BAX: variants seen among roughly 807,000 people sequenced by gnomAD.
BAX encodes the protein BCL2 associated X, apoptosis regulator.
In BAX, 21 loss-of-function variants were observed where a neutral mutation model predicts 26.8. The observed-to-expected ratio is 0.78, with a 90% CI of 0.56 to 1.13. The LOEUF is 1.13. BAX is among the 50% of genes most tolerant of loss of function. BAX has a pLI of 0.00. For synonymous variants in BAX, 110 were observed against 101.8 expected (o/e 1.08, Z -0.49); for missense variants, 236 against 254.6 (o/e 0.93, Z 0.50).
At position 48,958,345 on chromosome 19, in the gene BAX, A is replaced by ATTTTTT. The variant is rs34043541; in HGVS notation, c.369+2034_369+2039dup. Among the ~76,000 whole-genome samples, 235 of 64,476 alleles carry ATTTTTT rather than the reference A, an allele frequency of 3.6e-3. 13 individuals carry two copies. Among genetic ancestry groups the ATTTTTT allele is most frequent in the African/African-American group, 0.013 (221 of 17,036 alleles). The allele number at this position is 64,476 out of a possible 152,430, so 42.3% of individuals were successfully genotyped here. A position where few individuals can be genotyped will look rare whatever the true frequency, so the allele number is the denominator to read the frequency against. On this transcript the variant is annotated intron_variant, in intron 4 of 5. Transcript: ENST00000345358. The stretch of plus-strand genomic sequence containing the variant: ...AGGGAGGGATATTTCTTTTTGGAAG[A>ATTTTTT]TTTTTTTTTTTTTTTTTTTTTTTTT...
At position 48,956,278 on chromosome 19, in the gene BAX, TCAACTGGGGCCGGG is replaced by T. The variant is rs776628729; in HGVS notation, c.315_328del (p.Asn106CysfsTer96). 1 of 1,591,086 alleles carries T rather than the reference TCAACTGGGGCCGGG, an allele frequency of 6.3e-7. No homozygotes were observed. Among genetic ancestry groups the T allele is most frequent in the Non-Finnish European group, 8.5e-7 (1 of 1,169,620 alleles). On this transcript the variant is annotated frameshift_variant, in exon 4 of 6. Transcript: ENST00000345358. LOFTEE classifies it high-confidence loss of function. ...GCTGACATGTTTTCTGACGGCAACT[TCAACTGGGGCCGGG>T]TTGTCGCCCTTTTCTACTTTGCCAG...
rs1240715086 is a variant in BAX at position 48,956,223 on chromosome 19, T to A, written c.259T>A (p.Ser87Thr). Residue 87 changes from serine to threonine, a missense_variant, in exon 4 of 6, where the codon TCC (serine) becomes ACC (threonine). By Grantham distance (58) the Ser-to-Thr change is moderately conservative (BLOSUM62 1). Transcript: ENST00000345358. Reference sequence around the variant, plus strand: ...GATGATTGCCGCCGTGGACACAGACTCCCCCCGAGAGGTCTTTTTCCGAGT... The same window carrying A: ...GATGATTGCCGCCGTGGACACAGACACCCCCCGAGAGGTCTTTTTCCGAGT... ...QRMIAAVDTD[S>T]PREVFFRVAA... is the part of the protein sequence containing the mutation. 5 of 1,560,770 alleles carry A rather than the reference T, an allele frequency of 3.2e-6. No homozygotes were observed. In the African/African-American group the frequency reaches 7.0e-5, roughly 22 times the overall value.
At chr19:48,960,020 G>A (rs369257254) in intron 4 of BAX, among the ~76,000 whole-genome samples, 16 of 121,476 alleles carry the variant, frequency 1.3e-4, no homozygotes, top group East Asian at 1.1e-3. Flanking sequence ...GCAGCTCAGC[G>A]AGGCACAAAA....
Position 48,960,882 on chromosome 19 carries a change from C to T in BAX, c.442C>T (p.Leu148=). The T allele has an allele frequency of 1.2e-6, 2 of 1,614,174 alleles. No individual in the cohort carries two copies. Among genetic ancestry groups the T allele is most frequent in the South Asian group, 1.1e-5 (1 of 91,076 alleles). The change falls in exon 5 of 6, where the codon CTG becomes TTG. Residue 148 remains leucine (L), a synonymous_variant. Transcript: ENST00000345358. Reference sequence around the variant, plus strand: ...GACATTGGACTTCCTCCGGGAGCGGCTGTTGGGCTGGATCCAAGACCAGGG... The same window carrying T: ...GACATTGGACTTCCTCCGGGAGCGGTTGTTGGGCTGGATCCAAGACCAGGG... ...GWTLDFLRER[L]LGWIQDQGGW...
At position 48,955,746 on chromosome 19, in the gene BAX, C is replaced by T. The variant is rs1253388076; in HGVS notation, c.146C>T (p.Pro49Leu). The change falls in exon 3 of 6, where the codon CCG (proline) becomes CTG (leucine). Residue 49 changes from proline (P) to leucine (L), a missense_variant. Transcript: ENST00000345358. ...GGEAPELALD[P>L]VPQDASTKKL... Reference sequence around the variant, plus strand: ...GAGGCACCCGAGCTGGCCCTGGACCCGGTGCCTCAGGATGCGTCCACCAAG... The same window carrying T: ...GAGGCACCCGAGCTGGCCCTGGACCTGGTGCCTCAGGATGCGTCCACCAAG... 1 of 1,613,346 alleles carries T rather than the reference C, an allele frequency of 6.2e-7. No homozygotes were observed. The highest frequency in any genetic ancestry group is 1.7e-5 in the Admixed American group (1 of 59,884).
At chr19:48,956,576 G>A (rs529651580) in intron 4 of BAX, among the ~76,000 whole-genome samples, 5 of 152,192 alleles carry the variant, frequency 3.3e-5, no homozygotes, top group Admixed American at 2.6e-4. Context: ...CTACATCCCT[G>A]CTCTCAGGGA....
intron 5 of BAX, chr19:48,961,252 T>C: frequency 9.7e-7 from 1 of 1,032,840 alleles, no homozygotes; most frequent in Admixed American, 3.7e-5. Flanking sequence ...GCTCTTTCCT[T>C]TTTTTTTTTT....
Position 48,954,937 on chromosome 19 carries a change from G to T in BAX, c.9G>T (p.Gly3=). 3 of 1,242,592 alleles carry T rather than the reference G, an allele frequency of 2.4e-6. No homozygotes were observed. The highest frequency in any genetic ancestry group is 3.0e-6 in the Non-Finnish European group (3 of 992,290). 77.0% of individuals were successfully genotyped at this position (1,242,592 alleles called of 1,614,324 possible). Reference sequence around the variant, plus strand: ...CGGCGGGAGCGGCGGTGATGGACGGGTCCGGGGAGCAGCCCAGAGGCGGGG... The same window carrying T: ...CGGCGGGAGCGGCGGTGATGGACGGTTCCGGGGAGCAGCCCAGAGGCGGGG... MD[G]SGEQPRGGGP... is the part of the protein sequence containing the mutation. The change falls in exon 1 of 6, where the codon GGG becomes GGT. Residue 3 remains glycine, a synonymous_variant. Coordinates refer to ENST00000345358, the MANE Select transcript of BAX (RefSeq NM_138761.4).
At chr19:48,960,381 G>C in intron 4 of BAX, 1 of 325,958 alleles carries the variant, frequency 3.1e-6, no homozygotes, top group South Asian at 2.3e-5. Context: ...TATTTATTTT[G>C]AGATGGAGTT....
chr19:48,958,200 C>T (rs1309923977), intron 4 of BAX, among the ~76,000 whole-genome samples: 4 of 151,466 alleles, frequency 2.6e-5, no homozygotes, highest in African/African-American at 7.3e-5. Context: ...GCAGTTCTCT[C>T]GCCTCAGTCT....
Position 48,955,707 on chromosome 19 carries a change from G to A in BAX, c.107G>A (p.Gly36Glu). ...TCTAGTTTCATCCAGGATCGAGCAG[G>A]GCGAATGGGGGGGGAGGCACCCGAG... is the stretch of plus-strand genomic sequence containing the variant. The part of the protein sequence containing the change: ...LLQGFIQDRA[G>E]RMGGEAPELA... The change falls in exon 3 of 6, where the codon GGG becomes GAG. Residue 36 changes from glycine to glutamate, a missense_variant. Gly to Glu is a moderately conservative substitution (Grantham distance 98). Transcript: ENST00000345358. The A allele has an allele frequency of 6.2e-7, 1 of 1,612,926 alleles. No homozygotes were observed. Among genetic ancestry groups the A allele is most frequent in the Non-Finnish European group, 8.5e-7 (1 of 1,179,324 alleles).
chr19:48,961,551 T>A lies in BAX; in HGVS notation c.494T>A (p.Phe165Tyr). The A allele has an allele frequency of 6.2e-7, 1 of 1,609,870 alleles. No homozygotes were observed. The highest frequency in any genetic ancestry group is 8.5e-7 in the Non-Finnish European group (1 of 1,178,144). The change falls in exon 6 of 6, where the codon TTT becomes TAT. Residue 165 changes from phenylalanine to tyrosine, a missense_variant. By Grantham distance (22) the Phe-to-Tyr change is conservative (BLOSUM62 3). Coordinates refer to ENST00000345358, the MANE Select transcript of BAX (RefSeq NM_138761.4). Reference sequence around the variant, plus strand: ...CTCCAGGACGGCCTCCTCTCCTACTTTGGGACGCCCACGTGGCAGACCGTG... The same window carrying A: ...CTCCAGGACGGCCTCCTCTCCTACTATGGGACGCCCACGTGGCAGACCGTG... ...QGGWDGLLSY[F>Y]GTPTWQTVTI...
At chr19:48,959,345 G>T (rs1332809748) in intron 4 of BAX, among the ~76,000 whole-genome samples, 1 of 56,432 alleles carries the variant, frequency 1.8e-5, no homozygotes, top group Admixed American at 2.4e-4. Flanking sequence ...GTGAGACTCC[G>T]TCTCAAAAAA....
rs145509195 is a variant in BAX at position 48,956,887 on chromosome 19, G to A, written c.369+554G>A. ...GGGTTTCACCATGTTGGTCAGGCTG[G>A]TCTTGAACTCCTGACCTCAAGTGAT... On this transcript the variant is annotated intron_variant, in intron 4 of 5. Transcript: ENST00000345358. Among the ~76,000 whole-genome samples, 1,220 of 139,854 alleles carry A rather than the reference G, an allele frequency of 8.7e-3. 16 individuals carry two copies. The highest frequency in any genetic ancestry group is 0.031 in the African/African-American group (1,142 of 37,096). The allele number at this position is 139,854 out of a possible 152,430, so 91.7% of individuals were successfully genotyped here.
At chr19:48,958,149 A>G (rs1050537157) in intron 4 of BAX, among the ~76,000 whole-genome samples, 2 of 150,078 alleles carry the variant, frequency 1.3e-5, no homozygotes, top group African/African-American at 2.5e-5. Flanking sequence ...GGAGTGCAGT[A>G]GTGATCATAG....
At chr19:48,957,759 G>T (rs1240426681) in intron 4 of BAX, among the ~76,000 whole-genome samples, 1 of 152,170 alleles carries the variant, frequency 6.6e-6, no homozygotes, top group Non-Finnish European at 1.5e-5. Context: ...AGTTGAAAAT[G>T]CATTCAATGC....
intron 4 of BAX, among the ~76,000 whole-genome samples, chr19:48,957,273 T>TC (rs1179932470): frequency 5.0e-5 from 6 of 118,820 alleles, no homozygotes; most frequent in Non-Finnish European, 7.1e-5. Context: ...TTCTTTTTTT[T>TC]TTTTTTTTTT....
At chr19:48,960,206 T>C (rs1415017585) in intron 4 of BAX, 1 of 445,924 alleles carries the variant, frequency 2.2e-6, no homozygotes, top group Admixed American at 2.4e-5. Flanking sequence ...TATTTATTTA[T>C]TTTTTGAGAC....
At chr19:48,961,502 C>T (rs548474023) in intron 5 of BAX, 30 bp from the exon 6 acceptor site, 4 of 1,563,910 alleles carry the variant, frequency 2.6e-6, no homozygotes, top group African/African-American at 1.4e-5. Context: ...CTGGCCGAGT[C>T]ACTGAAGCGA....
Sources: gnomAD v4.1 joint callset for allele counts (sites outside exome capture counted in the v4.1 genomes callset) on GRCh38, gnomAD v4.1.1 for gene constraint, MANE v1.5 for transcripts, NCBI Gene and HGNC (gene_info 2026-07-23, HGNC 2026-07-21) for gene names.